DISC1: variants seen among roughly 807,000 people sequenced by gnomAD.
DISC1 encodes the protein DISC1 scaffold protein.
In DISC1, 57 loss-of-function variants were observed where a neutral mutation model predicts 84.5. The observed-to-expected ratio is 0.67, with a 90% CI of 0.55 to 0.84. The LOEUF is 0.84. Ranked by LOEUF, DISC1 falls within the 40% of genes least tolerant of loss-of-function variation. The pLI is 0.00. For synonymous variants in DISC1, 411 were observed against 415.2 expected (o/e 0.99, Z 0.12); for missense variants, 1,000 against 1,057.8 (o/e 0.95, Z 0.76).
chr1:231,765,670 C>T (rs965970391), intron 4 of DISC1, among the ~76,000 whole-genome samples: 3 of 152,028 alleles, frequency 2.0e-5, no homozygotes, highest in East Asian at 1.9e-4. Context: ...GTGACAAATA[C>T]CAACAAGTCT....
chr1:231,756,516 C>CGAGAGAGAGAGAGAGAGAGA (rs60818301), intron 4 of DISC1, among the ~76,000 whole-genome samples: 4 of 133,438 alleles, frequency 3.0e-5, no homozygotes, highest in African/African-American at 1.2e-4. Context: ...ATGTGAATAT[C>CGAGAGAGAGAGAGAGAGAGA]GAGAGAGAGA....
At chr1:231,880,675 A>T (rs1198445869) in intron 9 of DISC1, among the ~76,000 whole-genome samples, 1 of 151,848 alleles carries the variant, frequency 6.6e-6, no homozygotes, top group African/African-American at 2.4e-5. Flanking sequence ...CCAAGTAGAG[A>T]GGGGAGGAGA....
chr1:231,666,574 G>A (rs576912535), intron 1 of DISC1, among the ~76,000 whole-genome samples: 10 of 152,072 alleles, frequency 6.6e-5, no homozygotes, highest in East Asian at 3.9e-4. Context: ...ACAAATAATG[G>A]TATGATGCAA....
intron 6 of DISC1, among the ~76,000 whole-genome samples, chr1:231,778,952 T>G (rs2077168059): frequency 6.6e-6 from 1 of 152,100 alleles, no homozygotes; most frequent in Non-Finnish European, 1.5e-5. Flanking sequence ...CTCCCTTTTG[T>G]AGCTTAGACA....
At chr1:231,794,612 A>G (rs746764971) in intron 6 of DISC1, among the ~76,000 whole-genome samples, 2 of 152,212 alleles carry the variant, frequency 1.3e-5, no homozygotes, top group African/African-American at 2.4e-5. Context: ...CTGGGGATGC[A>G]GGAGTGGACA....
In DISC1 at chr1:231,767,010, AG is replaced by A. The variant is rs1208511068; in HGVS notation, c.1269-128del. ...ACATTAAGGAGCTCATCCTAAAAAC[AG>A]GTAAGTACCCTCCTAAGTATGAGAA... is the stretch of plus-strand genomic sequence containing the variant. On this transcript the variant is annotated intron_variant, in intron 4 of 12. Coordinates refer to ENST00000439617, the MANE Select transcript of DISC1 (RefSeq NM_018662.3). 12 of 1,216,622 alleles carry A rather than the reference AG, an allele frequency of 9.9e-6. No homozygotes were observed. The African/African-American group carries it at 1.7e-4, about 17-fold the overall frequency. 75.4% of individuals were successfully genotyped at this position (1,216,622 alleles called of 1,614,324 possible).
intron 6 of DISC1, among the ~76,000 whole-genome samples, chr1:231,773,100 AGAC>A (rs2076680576): frequency 2.6e-5 from 4 of 152,228 alleles, no homozygotes. Context: ...AGCTAGTAAG[AGAC>A]CATCTTGTGT....
At chr1:231,741,806 TG>T (rs2073314981) in intron 3 of DISC1, among the ~76,000 whole-genome samples, 1 of 152,360 alleles carries the variant, frequency 6.6e-6, no homozygotes, top group African/African-American at 2.4e-5. Flanking sequence ...TTTGCTTTTC[TG>T]GTTCCCTATG....
chr1:231,697,584 C>G (rs371624468), intron 2 of DISC1, among the ~76,000 whole-genome samples: 1 of 150,512 alleles, frequency 6.6e-6, no homozygotes, highest in African/African-American at 2.4e-5. Context: ...GGACTACAGG[C>G]GCATGCCACC....
At chr1:231,883,368 A>G (rs533471249) in intron 9 of DISC1, among the ~76,000 whole-genome samples, 6 of 152,186 alleles carry the variant, frequency 3.9e-5, no homozygotes, top group East Asian at 1.9e-4. Flanking sequence ...TCACATTCCT[A>G]TAGGTAAGTG....
At chr1:231,765,867 C>T (rs2076134026) in intron 4 of DISC1, among the ~76,000 whole-genome samples, 1 of 152,094 alleles carries the variant, frequency 6.6e-6, no homozygotes. Context: ...AATCAGTCAC[C>T]CCTCCTTTTA....
intron 1 of DISC1, among the ~76,000 whole-genome samples, chr1:231,647,881 A>G (rs187182145): frequency 5.9e-5 from 9 of 152,266 alleles, no homozygotes; most frequent in African/African-American, 2.2e-4. Context: ...GGTGTATAGG[A>G]ATGCCTGTGA....
intron 9 of DISC1, among the ~76,000 whole-genome samples, chr1:231,894,339 C>T (rs1380371116): frequency 1.3e-5 from 2 of 152,032 alleles, no homozygotes; most frequent in East Asian, 3.9e-4. Flanking sequence ...TTCAAGTGAA[C>T]CTATGAGTTT....
At chr1:231,936,777 C>A (rs979387775) in intron 9 of DISC1, among the ~76,000 whole-genome samples, 1 of 152,148 alleles carries the variant, frequency 6.6e-6, no homozygotes, top group Non-Finnish European at 1.5e-5. Context: ...GGAGTTTTAT[C>A]CATCTTATTT....
chr1:231,757,554 C>G (rs1475459851), intron 4 of DISC1, among the ~76,000 whole-genome samples: 1 of 152,168 alleles, frequency 6.6e-6, no homozygotes, highest in Non-Finnish European at 1.5e-5. Flanking sequence ...AGAGCTTTAA[C>G]TATCTTCAGG....
In DISC1 at chr1:231,979,432, G is replaced by T. The variant is rs114790377; in HGVS notation, c.2042+20544G>T. ...GAGCTACTTGGCCTTATCATTAGTC[G>T]AATCTAGAAAATTGTGTACCAAAAG... On this transcript the variant is annotated intron_variant, in intron 10 of 12. Transcript: ENST00000439617. 2.8e-3 allele frequency among the ~76,000 whole-genome samples: 427 copies of T among 151,762 alleles called. 2 individuals are homozygous for T. Among genetic ancestry groups the T allele is most frequent in the African/African-American group, 9.7e-3 (403 of 41,434 alleles).
At chr1:231,848,879 A>G (rs2083657229) in intron 9 of DISC1, among the ~76,000 whole-genome samples, 1 of 152,024 alleles carries the variant, frequency 6.6e-6, no homozygotes, top group Non-Finnish European at 1.5e-5. Flanking sequence ...GGATTACATT[A>G]TATTCATACT....
chr1:231,891,107 C>T (rs150699893), intron 9 of DISC1, among the ~76,000 whole-genome samples: 2 of 152,224 alleles, frequency 1.3e-5, no homozygotes, highest in African/African-American at 2.4e-5. Context: ...CTACTGTTTA[C>T]AACAGGAGTG....
chr1:231,636,258 C>T (rs886407755), intron 1 of DISC1, among the ~76,000 whole-genome samples: 7 of 152,150 alleles, frequency 4.6e-5, no homozygotes, highest in Admixed American at 4.6e-4. Flanking sequence ...TACTTTCACC[C>T]ACATTTTCTC....
Sources: allele counts gnomAD v4.1 joint callset (sites outside exome capture counted in the v4.1 genomes callset), GRCh38; gene constraint gnomAD v4.1.1; transcripts MANE v1.5; gene names NCBI Gene and HGNC (gene_info 2026-07-23, HGNC 2026-07-21).